The following XKR6 variants were observed in gnomAD, a reference collection of about 807,000 sequenced individuals.
The protein encoded by XKR6 is XK related 6.
In XKR6, 22 loss-of-function variants were observed where a neutral mutation model predicts 56.7. The ratio of observed to expected loss-of-function variants is 0.39; its 90% CI spans 0.28 to 0.55. The LOEUF (loss-of-function observed/expected upper bound fraction) is 0.55. Among genes scored for constraint, XKR6 ranks in the 20% least tolerant of loss-of-function variants. The pLI is 0.66. For synonymous variants in XKR6, 524 were observed against 387.8 expected (o/e 1.35, Z -4.13); for missense variants, 852 against 889.0 (o/e 0.96, Z 0.53).
chr8:11,180,030 T>C (rs992263582), intron 1 of XKR6, among the ~76,000 whole-genome samples: 1 of 151,978 alleles, frequency 6.6e-6, no homozygotes, highest in African/African-American at 2.4e-5. Context: ...TCCCAGCTAC[T>C]TGGGAGGCTG....
chr8:11,039,077 G>C (rs1435116721), intron 1 of XKR6, among the ~76,000 whole-genome samples: 1 of 152,156 alleles, frequency 6.6e-6, no homozygotes, highest in African/African-American at 2.4e-5. Flanking sequence ...GTGAGAGCCA[G>C]GGAGACCTCA....
intron 1 of XKR6, among the ~76,000 whole-genome samples, chr8:11,151,695 G>GT (rs573659426): frequency 0.061 from 8,829 of 144,664 alleles, 312 homozygotes; most frequent in South Asian, 0.11. Context: ...CTTTGAACAA[G>GT]TTTTTTTTTT....
intron 2 of XKR6, 48 bp downstream of exon 2, chr8:10,924,586 A>AGGTGGAGGGCAGGCCGG: frequency 6.4e-7 from 1 of 1,565,562 alleles, no homozygotes; most frequent in Non-Finnish European, 8.7e-7. Context: ...CGTGGTCCCC[A>AGGTGGAGGGCAGGCCGG]GGTGGAGGGC....
chr8:11,150,269 T>C (rs58152481), intron 1 of XKR6, among the ~76,000 whole-genome samples: 10,858 of 152,190 alleles, frequency 0.071, 928 homozygotes, highest in African/African-American at 0.21. Context: ...AAGTACTCAA[T>C]GTCATGGATA....
chr8:11,187,268 T>A (rs1180220495), intron 1 of XKR6, among the ~76,000 whole-genome samples: 1 of 152,220 alleles, frequency 6.6e-6, no homozygotes, highest in Non-Finnish European at 1.5e-5. Context: ...TCCACTTCAG[T>A]TCTTTATTGT....
chr8:11,045,110 G>C (rs1466996954), intron 1 of XKR6, among the ~76,000 whole-genome samples: 1 of 83,952 alleles, frequency 1.2e-5, no homozygotes, highest in Non-Finnish European at 2.1e-5. Flanking sequence ...TTTTTTTGAG[G>C]AAGTGTCGCT....
intron 1 of XKR6, among the ~76,000 whole-genome samples, chr8:10,944,427 G>A (rs936944081): frequency 6.6e-6 from 1 of 152,188 alleles, no homozygotes; most frequent in Non-Finnish European, 1.5e-5. Flanking sequence ...CCAGCACACA[G>A]AAGGCAAGGG....
chr8:11,184,889 C>A (rs751546834), intron 1 of XKR6, among the ~76,000 whole-genome samples: 1 of 152,064 alleles, frequency 6.6e-6, no homozygotes, highest in Non-Finnish European at 1.5e-5. Flanking sequence ...AACACACAAA[C>A]CAAATAGAAT....
chr8:10,966,051 CG>C (rs538914098), intron 1 of XKR6, among the ~76,000 whole-genome samples: 67 of 152,318 alleles, frequency 4.4e-4, no homozygotes, highest in African/African-American at 1.6e-3. Flanking sequence ...TCTCAAACCT[CG>C]GGTACATCCA....
intron 1 of XKR6, among the ~76,000 whole-genome samples, chr8:10,999,023 G>T (rs1313663879): frequency 6.6e-6 from 1 of 152,138 alleles, no homozygotes; most frequent in African/African-American, 2.4e-5. Flanking sequence ...CAACATAAAG[G>T]ACCAAGTACC....
intron 1 of XKR6, among the ~76,000 whole-genome samples, chr8:11,162,321 T>G (rs1337829356): frequency 1.3e-5 from 2 of 152,144 alleles, no homozygotes; most frequent in African/African-American, 4.8e-5. Context: ...TTCTCCCCCT[T>G]GGCCCTGAAG....
rs114357454 is a variant in XKR6, at chr8:11,095,600, G to C, written c.764+104976C>G. On this transcript the variant is annotated intron_variant, in intron 1 of 2. Transcript: ENST00000416569. ...CTCCTAGTGAACAGATGTACTGACT[G>C]TGACAAAACGCACCCGCCATGCCAA... is the stretch of plus-strand genomic sequence containing the variant. Among the ~76,000 whole-genome samples the C allele has an allele frequency of 6.1e-3, 934 of 152,288 alleles. 6 individuals carry two copies. Among genetic ancestry groups the C allele is most frequent in the African/African-American group, 0.021 (882 of 41,552 alleles).
At chr8:10,903,930 C>CTCAA (rs1800113552) in intron 2 of XKR6, among the ~76,000 whole-genome samples, 1 of 152,296 alleles carries the variant, frequency 6.6e-6, no homozygotes, top group African/African-American at 2.4e-5. Flanking sequence ...TCTGCAGTGG[C>CTCAA]TCACTTGGAG....
At chr8:11,139,846 T>C (rs1012627225) in intron 1 of XKR6, among the ~76,000 whole-genome samples, 12 of 152,090 alleles carry the variant, frequency 7.9e-5, no homozygotes, top group Middle Eastern at 3.4e-3. Flanking sequence ...ACAAACTTAC[T>C]ACGAGAGAAA....
rs554267598 is a variant in XKR6, at chr8:11,049,394, C to G, written c.765-124564G>C. Among the ~76,000 whole-genome samples the G allele has an allele frequency of 1.1e-4, 16 of 152,294 alleles. No homozygotes were observed. In the South Asian group the frequency reaches 3.3e-3, roughly 32 times the overall value. On this transcript the variant is annotated intron_variant, in intron 1 of 2. Transcript: ENST00000416569. ...GACTTTATTTGAGTCTATTTGTGAA[C>G]AGGTGGATGCCTGATGGAACACAGC...
intron 1 of XKR6, among the ~76,000 whole-genome samples, chr8:10,984,767 T>A (rs1001342274): frequency 2.5e-4 from 36 of 143,052 alleles, no homozygotes; most frequent in African/African-American, 9.2e-4. Context: ...TTTGAAGAAA[T>A]GTGCATGAAG....
chr8:11,001,956 C>T (rs373239961), intron 1 of XKR6, among the ~76,000 whole-genome samples: 44 of 152,218 alleles, frequency 2.9e-4, no homozygotes, highest in African/African-American at 1.1e-3. Flanking sequence ...CACTTCCTTC[C>T]AGCAGACCTC....
chr8:11,077,485 C>A (rs1185442712), intron 1 of XKR6, among the ~76,000 whole-genome samples: 1 of 152,072 alleles, frequency 6.6e-6, no homozygotes, highest in Non-Finnish European at 1.5e-5. Context: ...TCTCTACATG[C>A]AGCTCACTCA....
intron 1 of XKR6, among the ~76,000 whole-genome samples, chr8:11,111,008 ATTTTTTTTT>A (rs58233543): frequency 2.6e-5 from 3 of 114,218 alleles, no homozygotes; most frequent in African/African-American, 6.2e-5. Flanking sequence ...GGCTTTTTCT[ATTTTTTTTT>A]TTTTTTTTTT....
Sources: allele counts gnomAD v4.1 joint callset (sites outside exome capture counted in the v4.1 genomes callset), GRCh38; gene constraint gnomAD v4.1.1; transcripts MANE v1.5; gene names NCBI Gene and HGNC (gene_info 2026-07-23, HGNC 2026-07-21).